IQSEC1: variants seen among roughly 807,000 people sequenced by gnomAD.
The protein encoded by IQSEC1 is IQ motif and SEC7 domain-containing protein 1.
In IQSEC1, 31 loss-of-function variants were observed where a neutral mutation model predicts 91.0. That is an observed-to-expected ratio of 0.34 (90% CI 0.26 to 0.46). The LOEUF is 0.46. IQSEC1 is among the 20% of genes least tolerant of loss of function. IQSEC1 has a pLI of 1.00. For synonymous variants in IQSEC1, 699 were observed against 662.6 expected, an observed-to-expected ratio of 1.05 and a Z score of -0.84; for missense variants, 1,388 against 1,575.6, an observed-to-expected ratio of 0.88 and a Z score of 2.02.
intron 2 of IQSEC1, among the ~76,000 whole-genome samples, chr3:13,154,460 T>TATATATATATATATATACACACAC (rs1707053083): frequency 5.0e-5 from 3 of 59,430 alleles, no homozygotes; most frequent in East Asian, 1.1e-3. Flanking sequence ...TATATATATA[T>TATATATATATATATATACACACAC]ATATATATAT....
intron 1 of IQSEC1, among the ~76,000 whole-genome samples, chr3:13,028,282 T>G (rs1703697433): frequency 6.6e-6 from 1 of 152,138 alleles, no homozygotes; most frequent in Non-Finnish European, 1.5e-5. Flanking sequence ...TAAAACTGAG[T>G]CCCAGATAAG....
At chr3:13,217,223 G>A (rs979315329) in intron 1 of IQSEC1, among the ~76,000 whole-genome samples, 3 of 152,192 alleles carry the variant, frequency 2.0e-5, no homozygotes, top group Admixed American at 6.5e-5. Context: ...GATTTACAAT[G>A]TTTTCTTCTC....
upstream of IQSEC1, among the ~76,000 whole-genome samples, chr3:13,077,169 G>C (rs752665955): frequency 6.6e-6 from 1 of 151,896 alleles, no homozygotes; most frequent in African/African-American, 2.4e-5. Flanking sequence ...TGGGACTATA[G>C]GCATGCACCA....
intron 1 of IQSEC1, among the ~76,000 whole-genome samples, chr3:13,226,130 C>T (rs1170691899): frequency 1.3e-5 from 2 of 152,182 alleles, no homozygotes; most frequent in African/African-American, 2.4e-5. Context: ...CCACCCGCCT[C>T]GGCCTCCCAA....
intron 1 of IQSEC1, among the ~76,000 whole-genome samples, chr3:13,240,364 T>C (rs7612658): frequency 0.36 from 54,896 of 151,998 alleles, 12,939 homozygotes; most frequent in African/African-American, 0.68. Flanking sequence ...GAGTGAGACC[T>C]TATCGCTAAT....
At chr3:13,239,078 T>A (rs965178747) in intron 1 of IQSEC1, among the ~76,000 whole-genome samples, 4 of 152,228 alleles carry the variant, frequency 2.6e-5, no homozygotes, top group African/African-American at 9.6e-5. Context: ...GAATCTCCCC[T>A]GCTGGGGTGG....
At chr3:13,173,789 A>G (rs1426066811) in intron 1 of IQSEC1, among the ~76,000 whole-genome samples, 1 of 152,222 alleles carries the variant, frequency 6.6e-6, no homozygotes, top group African/African-American at 2.4e-5. Context: ...GTTCTCTGAA[A>G]GTGTGGCCTG....
chr3:12,978,521 A>AC (rs1485928473), intron 1 of IQSEC1, among the ~76,000 whole-genome samples: 1 of 151,658 alleles, frequency 6.6e-6, no homozygotes, highest in African/African-American at 2.4e-5. Context: ...ATACGGTGAA[A>AC]CCCCGTCTCT....
At position 13,214,514 on chromosome 3, in the gene IQSEC1, C is replaced by T. The variant is rs1694505557; in HGVS notation, c.273-50381G>A. On this transcript the variant is annotated intron_variant, in intron 1 of 15. Coordinates refer to the IQSEC1 transcript ENST00000648114. This position sits in a 1 kb window ranked among gnomAD's most constrained non-coding sequence, Gnocchi z 4.5. ...CTCCAAGAAACAAATGGGAAACTCCCTTTCATGGCCTCCATTGCACGTGGG... is the reference window on the plus strand; with the variant it reads ...CTCCAAGAAACAAATGGGAAACTCCTTTTCATGGCCTCCATTGCACGTGGG... Among the ~76,000 whole-genome samples, 1 of 152,284 alleles carries T rather than the reference C, an allele frequency of 6.6e-6. No homozygotes were observed. The highest frequency in any genetic ancestry group is 1.5e-5 in the Non-Finnish European group (1 of 68,052).
intron 1 of IQSEC1, among the ~76,000 whole-genome samples, chr3:13,194,576 C>G (rs1694093736): frequency 6.6e-6 from 1 of 152,160 alleles, no homozygotes; most frequent in Admixed American, 6.5e-5. Flanking sequence ...CTGCTTTCTA[C>G]AAGCATGTAG....
intron 1 of IQSEC1, among the ~76,000 whole-genome samples, chr3:13,236,906 T>G (rs357120): frequency 3.3e-5 from 5 of 152,028 alleles, no homozygotes; most frequent in Admixed American, 2.6e-4. Context: ...AATGCCCCCC[T>G]CCAGCCAGGT....
chr3:12,925,300 G>C (rs997218305), intron 3 of IQSEC1, among the ~76,000 whole-genome samples: 2 of 152,198 alleles, frequency 1.3e-5, no homozygotes, highest in African/African-American at 2.4e-5. Flanking sequence ...GCACCGGCGG[G>C]GAGAAATCGC....
At chr3:12,906,455 C>T (rs1266731388) in intron 12 of IQSEC1, among the ~76,000 whole-genome samples, 1 of 152,242 alleles carries the variant, frequency 6.6e-6, no homozygotes, top group Non-Finnish European at 1.5e-5. Context: ...CTCTCCCCAG[C>T]CTGGGGCCTC....
At position 13,073,169 on chromosome 3, in the gene IQSEC1, G is replaced by A. The variant is rs1281743349; in HGVS notation, c.-155C>T. On this transcript the variant is annotated 5_prime_UTR_variant, in exon 1 of 14. Transcript: ENST00000613206. ...TTCCCGGGGGTGGCGGGCTCCTCCA[G>A]GGAGGCTGGGGCGGGAGCGGGGGGC... is the stretch of plus-strand genomic sequence containing the variant. 7 of 834,602 alleles carry A rather than the reference G, an allele frequency of 8.4e-6. No individual in the cohort carries two copies. The highest frequency in any genetic ancestry group is 1.1e-5 in the Non-Finnish European group (6 of 528,136). 51.7% of individuals were successfully genotyped at this position (834,602 alleles called of 1,614,324 possible).
intron 2 of IQSEC1, among the ~76,000 whole-genome samples, chr3:13,123,799 T>C (rs1706464736): frequency 6.6e-6 from 1 of 152,226 alleles, no homozygotes; most frequent in African/African-American, 2.4e-5. Flanking sequence ...TGCGCTGACC[T>C]GCAGCCTCCT....
At chr3:13,064,016 C>A (rs1165056870) in intron 1 of IQSEC1, among the ~76,000 whole-genome samples, 111 of 140,084 alleles carry the variant, frequency 7.9e-4, no homozygotes, top group African/African-American at 2.3e-3. Flanking sequence ...AAAAAAAAAA[C>A]AAAAAACAAT....
chr3:13,007,458 G>A (rs542760761), intron 1 of IQSEC1, among the ~76,000 whole-genome samples: 12 of 152,306 alleles, frequency 7.9e-5, no homozygotes, highest in African/African-American at 2.2e-4. Context: ...TCCACCCTCC[G>A]TGTCTCTAAG....
At chr3:13,052,216 G>C (rs2125066278) in intron 1 of IQSEC1, among the ~76,000 whole-genome samples, 1 of 152,228 alleles carries the variant, frequency 6.6e-6, no homozygotes, top group South Asian at 2.1e-4. Flanking sequence ...CTTCCCACCA[G>C]CCCTTATCCC....
Position 12,899,567 on chromosome 3 carries a change from C to A in IQSEC1, c.*1416G>T. ...TGAGAGTCATGTGATGCCCTGGCAG[C>A]TCACTGGACCATGGGAAGGCAGCGG... On this transcript the variant is annotated 3_prime_UTR_variant, in exon 14 of 14. Transcript: ENST00000613206. The A allele has an allele frequency of 1.3e-6, 2 of 1,485,082 alleles. No individual in the cohort carries two copies. The highest frequency in any genetic ancestry group is 2.3e-5 in the Admixed American group (1 of 42,906). 92.0% of individuals were successfully genotyped at this position (1,485,082 alleles called of 1,614,324 possible).
Sources: gnomAD v4.1 joint callset for allele counts (sites outside exome capture counted in the v4.1 genomes callset) on GRCh38, gnomAD v4.1.1 for gene constraint, Gnocchi (gnomAD v3.1) non-coding constraint, MANE v1.5 for transcripts, NCBI Gene and HGNC (gene_info 2026-07-23, HGNC 2026-07-21) for gene names.